The following MACROD2 variants were observed in gnomAD, a reference collection of about 807,000 sequenced individuals.
MACROD2 encodes the protein mono-ADP ribosylhydrolase 2, also known as ADP-ribose glycohydrolase MACROD2.
Under a neutral mutation model 70.4 loss-of-function variants are expected in MACROD2, and 36 were observed. That is an observed-to-expected ratio of 0.51 (90% CI 0.39 to 0.68). The LOEUF (loss-of-function observed/expected upper bound fraction) is 0.68, where lower values mean the gene tolerates loss of function less well. Among genes scored for constraint, MACROD2 ranks in the 30% least tolerant of loss-of-function variants. The pLI is 0.00. For missense variants in MACROD2, 496 were observed against 538.4 expected, an observed-to-expected ratio of 0.92 and a Z score of 0.78; for synonymous variants, 172 against 178.8, an observed-to-expected ratio of 0.96 and a Z score of 0.30.
intron 15 of MACROD2, among the ~76,000 whole-genome samples, chr20:16,027,593 C>T (rs569564941): frequency 6.6e-6 from 1 of 152,302 alleles, no homozygotes; most frequent in African/African-American, 2.4e-5. Context: ...GCACTAAGTT[C>T]CTTCCTTGTG....
chr20:15,283,131 C>T (rs1347997813), intron 6 of MACROD2, among the ~76,000 whole-genome samples: 2 of 152,174 alleles, frequency 1.3e-5, no homozygotes, highest in Admixed American at 1.3e-4. Context: ...GATCCAACTA[C>T]CTCCCCTTGG....
At chr20:15,242,959 A>G (rs533977984) in intron 6 of MACROD2, among the ~76,000 whole-genome samples, 5 of 152,202 alleles carry the variant, frequency 3.3e-5, no homozygotes, top group African/African-American at 9.6e-5. Context: ...TGATGATGCA[A>G]TGTTTATGGA....
intron 3 of MACROD2, among the ~76,000 whole-genome samples, chr20:14,434,880 A>T (rs181328060): frequency 2.4e-4 from 37 of 152,260 alleles, no homozygotes; most frequent in African/African-American, 8.4e-4. Flanking sequence ...CCAGTGGTCA[A>T]TTCTCATCTA....
At chr20:15,574,389 T>C (rs534875814) in intron 8 of MACROD2, among the ~76,000 whole-genome samples, 22 of 152,314 alleles carry the variant, frequency 1.4e-4, no homozygotes, top group African/African-American at 5.1e-4. Context: ...TCCTCTCATC[T>C]TATAAGATAG....
intron 3 of MACROD2, among the ~76,000 whole-genome samples, chr20:14,441,687 A>G (rs140325920): frequency 6.6e-6 from 1 of 152,190 alleles, no homozygotes; most frequent in Non-Finnish European, 1.5e-5. Flanking sequence ...GATTTCCAGC[A>G]TAGTTTCTGA....
intron 5 of MACROD2, among the ~76,000 whole-genome samples, chr20:14,809,227 A>G (rs185126618): frequency 6.6e-6 from 1 of 152,258 alleles, no homozygotes; most frequent in East Asian, 1.9e-4. Flanking sequence ...AAATTATAAC[A>G]AACAGTTTCT....
chr20:15,480,055 G>A (rs953614546), intron 7 of MACROD2, among the ~76,000 whole-genome samples: 1 of 152,180 alleles, frequency 6.6e-6, no homozygotes, highest in Admixed American at 6.5e-5. Context: ...AGAGAAGAAT[G>A]TGATTAAGCC....
chr20:15,586,656 G>A (rs2048606364), intron 8 of MACROD2, among the ~76,000 whole-genome samples: 1 of 152,004 alleles, frequency 6.6e-6, no homozygotes, highest in African/African-American at 2.4e-5. Context: ...TTATTCTGGA[G>A]GTATTCTTTA....
At chr20:14,923,845 AC>A (rs1451144514) in intron 5 of MACROD2, among the ~76,000 whole-genome samples, 2 of 150,844 alleles carry the variant, frequency 1.3e-5, no homozygotes, top group African/African-American at 2.4e-5. Context: ...AAAGAGAAGA[AC>A]CTCCATAAAG....
rs1227408389 is a variant in MACROD2 at position 14,075,167 on chromosome 20, CA to C, written c.164-10445del. 1.9e-4 allele frequency among the ~76,000 whole-genome samples: 28 copies of C among 150,452 alleles called. No homozygotes were observed. The East Asian group carries it at 4.5e-3, about 24-fold the overall frequency. ...AGTAAAAAGGTGAAAGTTCTGTACT[CA>C]AAAAAAAATCGTATGTTGAGATTTA... On this transcript the variant is annotated intron_variant, in intron 2 of 17. Coordinates refer to ENST00000684519, the MANE Select transcript of MACROD2 (RefSeq NM_001351661.2).
intron 5 of MACROD2, among the ~76,000 whole-genome samples, chr20:14,970,183 A>T (rs1486039499): frequency 6.6e-6 from 1 of 152,152 alleles, no homozygotes; most frequent in Non-Finnish European, 1.5e-5. Context: ...AAGGGGGAAA[A>T]GCCCCTTATA....
intron 8 of MACROD2, among the ~76,000 whole-genome samples, chr20:15,609,480 C>T (rs1336969794): frequency 6.6e-6 from 1 of 152,228 alleles, no homozygotes; most frequent in East Asian, 1.9e-4. Flanking sequence ...CCAAGATGCC[C>T]AGAGGCAGCT....
At chr20:14,318,556 G>A (rs995318716) in intron 3 of MACROD2, among the ~76,000 whole-genome samples, 3 of 152,204 alleles carry the variant, frequency 2.0e-5, no homozygotes, top group Non-Finnish European at 4.4e-5. Flanking sequence ...CTTCTTCAGT[G>A]TGTATTTTGA....
chr20:15,776,229 G>A (rs1053611427), intron 8 of MACROD2, among the ~76,000 whole-genome samples: 7 of 152,130 alleles, frequency 4.6e-5, no homozygotes, highest in Non-Finnish European at 1.0e-4. Context: ...ATGTGTTCAT[G>A]TCTTACCCAC....
chr20:15,648,578 A>G (rs2049589314), intron 8 of MACROD2, among the ~76,000 whole-genome samples: 1 of 152,252 alleles, frequency 6.6e-6, no homozygotes, highest in Admixed American at 6.5e-5. Flanking sequence ...TTTGTTGTAT[A>G]ATAGTGTAAC....
intron 8 of MACROD2, among the ~76,000 whole-genome samples, chr20:15,760,990 C>T (rs1225641136): frequency 1.3e-5 from 2 of 152,200 alleles, no homozygotes; most frequent in African/African-American, 4.8e-5. Flanking sequence ...TATCAAGAGT[C>T]CATAACATGA....
At chr20:14,015,036 G>A (rs2052968129) in intron 2 of MACROD2, among the ~76,000 whole-genome samples, 2 of 150,372 alleles carry the variant, frequency 1.3e-5, no homozygotes, top group Non-Finnish European at 3.0e-5. Context: ...GAACTCCTGG[G>A]CTCAAGCAAT....
At chr20:15,543,946 G>C (rs2047992163) in intron 8 of MACROD2, among the ~76,000 whole-genome samples, 1 of 152,254 alleles carries the variant, frequency 6.6e-6, no homozygotes, top group Non-Finnish European at 1.5e-5. Flanking sequence ...TTGCTAGACT[G>C]CTTACATCAC....
At chr20:15,187,571 T>C (rs772849028) in intron 5 of MACROD2, among the ~76,000 whole-genome samples, 17 of 152,108 alleles carry the variant, frequency 1.1e-4, no homozygotes, top group Non-Finnish European at 2.1e-4. Context: ...ACCAACAGCT[T>C]TTCCATGGAC....
Sources: allele counts gnomAD v4.1 joint callset (sites outside exome capture counted in the v4.1 genomes callset), GRCh38; gene constraint gnomAD v4.1.1; transcripts MANE v1.5; gene names NCBI Gene and HGNC (gene_info 2026-07-23, HGNC 2026-07-21).